Variants in ABCB1 observed in about 807,000 individuals in gnomAD.
The protein encoded by ABCB1 is ATP-dependent translocase ABCB1.
A neutral mutation model predicts 142.0 loss-of-function variants in ABCB1; 69 were observed. That is an observed-to-expected ratio of 0.49 (90% CI 0.40 to 0.59). ABCB1 has a LOEUF of 0.59. Among genes scored for constraint, ABCB1 ranks in the 20% least tolerant of loss-of-function variants. ABCB1 has a pLI of 0.00. For synonymous variants in ABCB1, 532 were observed against 539.2 expected, an observed-to-expected ratio of 0.99 and a Z score of 0.18; for missense variants, 1,326 against 1,554.7, an observed-to-expected ratio of 0.85 and a Z score of 2.47.
At chr7:87,661,814 T>C (rs1196241351) in intron 1 of ABCB1, among the ~76,000 whole-genome samples, 1 of 152,106 alleles carries the variant, frequency 6.6e-6, no homozygotes, top group Non-Finnish European at 1.5e-5. Context: ...TTAAGTTTTA[T>C]GAGAAACCCC....
chr7:87,571,478 G>A (rs1046174737), intron 4 of ABCB1, among the ~76,000 whole-genome samples: 3 of 152,142 alleles, frequency 2.0e-5, no homozygotes, highest in Non-Finnish European at 2.9e-5. Flanking sequence ...ACTATGTAGG[G>A]AAAGAGAGTC....
upstream of ABCB1, among the ~76,000 whole-genome samples, chr7:87,603,851 TAA>T (rs1313411076): frequency 6.6e-6 from 1 of 152,230 alleles, no homozygotes; most frequent in African/African-American, 2.4e-5. Flanking sequence ...ACCTTTTTGG[TAA>T]AGAGTAGATA....
At chr7:87,539,396 A>G in intron 18 of ABCB1, 51 bp from the exon 19 acceptor site, 2 of 1,548,786 alleles carry the variant, frequency 1.3e-6, no homozygotes, top group Non-Finnish European at 1.8e-6. Context: ...TTTAAATAAA[A>G]GGAGGGAGAA....
In ABCB1 at chr7:87,626,524, T is replaced by C. The variant is rs1048702148; in HGVS notation, c.-330-25446A>G. Among the ~76,000 whole-genome samples the C allele has an allele frequency of 9.1e-4, 13 of 14,230 alleles. 2 individuals carry two copies. Among genetic ancestry groups the C allele is most frequent in the Admixed American group, 2.8e-3 (3 of 1,064 alleles). The allele number at this position is 14,230 out of a possible 152,430, so 9.3% of individuals were successfully genotyped here. A position where few individuals can be genotyped will look rare whatever the true frequency, so the allele number is the denominator to read the frequency against. On this transcript the variant is annotated intron_variant, in intron 1 of 28. Transcript: ENST00000265724. ...ATATATGTGTCATATATATGTGTCA[T>C]ATATATGTGTCATATATGTGTCATA...
chr7:87,691,875 C>A (rs977696313), intron 1 of ABCB1, among the ~76,000 whole-genome samples: 1 of 152,120 alleles, frequency 6.6e-6, no homozygotes, highest in African/African-American at 2.4e-5. Flanking sequence ...TGGGTCTTGG[C>A]AGCCTTGTCT....
intron 21 of ABCB1, chr7:87,521,226 G>A (rs1815491013): frequency 5.6e-6 from 2 of 353,984 alleles, no homozygotes; most frequent in Non-Finnish European, 5.2e-6. Context: ...CACATTTTAA[G>A]TTCACAGTTA....
At chr7:87,675,909 G>T (rs1036934849) in intron 1 of ABCB1, among the ~76,000 whole-genome samples, 2 of 152,108 alleles carry the variant, frequency 1.3e-5, no homozygotes, top group African/African-American at 4.8e-5. Flanking sequence ...TAAATAAGTG[G>T]AACGACATTA....
chr7:87,515,189 T>C (rs1330393877), intron 25 of ABCB1, 42 bp downstream of exon 25: 3 of 1,607,810 alleles, frequency 1.9e-6, no homozygotes, highest in South Asian at 1.1e-5. Flanking sequence ...GACATTTGGA[T>C]GATGAAAACC....
chr7:87,561,486 A>C (rs1817562479), intron 7 of ABCB1, 99 bp from the exon 8 acceptor site: 3 of 1,238,518 alleles, frequency 2.4e-6, no homozygotes, highest in Non-Finnish European at 3.4e-6. Flanking sequence ...TTATACATTA[A>C]TGCATGTGTA....
intron 20 of ABCB1, among the ~76,000 whole-genome samples, chr7:87,533,328 A>G (rs183410334): frequency 2.4e-4 from 37 of 152,204 alleles, no homozygotes; most frequent in African/African-American, 8.7e-4. Context: ...TTAGAATATC[A>G]CCTAGAATCA....
intron 1 of ABCB1, among the ~76,000 whole-genome samples, chr7:87,707,215 CAAGAT>C (rs1463639234): frequency 2.6e-5 from 4 of 151,846 alleles, no homozygotes; most frequent in African/African-American, 9.7e-5. Flanking sequence ...CATCAAGAAA[CAAGAT>C]TGAATGACTG....
intron 1 of ABCB1, among the ~76,000 whole-genome samples, chr7:87,682,842 G>T (rs1827061807): frequency 6.6e-6 from 1 of 152,210 alleles, no homozygotes; most frequent in African/African-American, 2.4e-5. Flanking sequence ...AAGAGAGTCA[G>T]CCTGTCCTTT....
At chr7:87,691,487 A>G (rs1563137321) in intron 1 of ABCB1, among the ~76,000 whole-genome samples, 1 of 152,170 alleles carries the variant, frequency 6.6e-6, no homozygotes, top group African/African-American at 2.4e-5. Context: ...TTTCTAAGCT[A>G]CATAGTGTTA....
chr7:87,703,006 T>C (rs1021378691), intron 1 of ABCB1, among the ~76,000 whole-genome samples: 1 of 152,168 alleles, frequency 6.6e-6, no homozygotes, highest in Admixed American at 6.5e-5. Context: ...GTAGTAGTTG[T>C]ATTTATTTTT....
chr7:87,700,860 G>C (rs568519368), intron 1 of ABCB1, among the ~76,000 whole-genome samples: 1 of 152,276 alleles, frequency 6.6e-6, no homozygotes, highest in African/African-American at 2.4e-5. Flanking sequence ...CACTGCCAAT[G>C]CAGACACAAT....
chr7:87,537,354 A>T (rs1293612085), intron 19 of ABCB1, among the ~76,000 whole-genome samples: 1 of 152,204 alleles, frequency 6.6e-6, no homozygotes, highest in Admixed American at 6.5e-5. Flanking sequence ...AGGTTTGGGC[A>T]GTGGGATATG....
chr7:87,695,527 G>A (rs1483305968), intron 1 of ABCB1, among the ~76,000 whole-genome samples: 2 of 152,000 alleles, frequency 1.3e-5, no homozygotes, highest in African/African-American at 2.4e-5. Context: ...GGATTATCTT[G>A]TCTTTTGTTG....
chr7:87,579,649 T>G (rs1482104763), intron 4 of ABCB1, among the ~76,000 whole-genome samples: 2 of 152,166 alleles, frequency 1.3e-5, no homozygotes, highest in Non-Finnish European at 2.9e-5. Flanking sequence ...TCCATTTAGA[T>G]TCAATGTTAT....
intron 1 of ABCB1, among the ~76,000 whole-genome samples, chr7:87,642,318 A>G (rs1360746807): frequency 6.6e-6 from 1 of 152,022 alleles, no homozygotes; most frequent in Non-Finnish European, 1.5e-5. Context: ...TGAAGACTAT[A>G]TGTTATGGTT....
Sources: gnomAD v4.1 joint callset for allele counts (sites outside exome capture counted in the v4.1 genomes callset) on GRCh38, gnomAD v4.1.1 for gene constraint, MANE v1.5 for transcripts, NCBI Gene and HGNC (gene_info 2026-07-23, HGNC 2026-07-21) for gene names.